The following REXO5 variants were observed in gnomAD, a reference collection of about 807,000 sequenced individuals.
REXO5 encodes RNA exonuclease 5.
A neutral mutation model predicts 88.5 loss-of-function variants in REXO5; 48 were observed. That is an observed-to-expected ratio of 0.54 (90% CI 0.43 to 0.69). REXO5 has a LOEUF of 0.69. Among genes scored for constraint, REXO5 ranks in the 30% least tolerant of loss-of-function variants. The pLI, the probability that REXO5 is intolerant of heterozygous loss-of-function variation, is 0.00. For missense variants in REXO5, 749 were observed against 912.2 expected, an observed-to-expected ratio of 0.82 and a Z score of 2.30; for synonymous variants, 311 against 336.5, an observed-to-expected ratio of 0.92 and a Z score of 0.83.
chr16:20,834,756 TTCACC>T (rs1485408698), intron 13 of REXO5, among the ~76,000 whole-genome samples: 1 of 152,200 alleles, frequency 6.6e-6, no homozygotes, highest in Non-Finnish European at 1.5e-5. Flanking sequence ...CCAGTGTACT[TTCACC>T]TCACACATTG....
chr16:20,820,535 T>TTTGC (rs1567389324), intron 5 of REXO5, among the ~76,000 whole-genome samples: 1 of 13,486 alleles, frequency 7.4e-5, no homozygotes. Flanking sequence ...TATATATATA[T>TTTGC]ATATATATAT....
Position 20,845,263 on chromosome 16 carries a change from G to C in REXO5, c.2124+22G>C, listed in dbSNP as rs769401314. ...GCAGGTGAGTGAGTGAAGGCGTCTT[G>C]GAGAAGATGTCAGGAGAGTCCTGCT... On this transcript the variant is annotated intron_variant, in intron 18 of 19. Transcript: ENST00000261377. 17 of 1,605,010 alleles carry C rather than the reference G, an allele frequency of 1.1e-5. No individual in the cohort carries two copies. In the South Asian group the frequency reaches 1.9e-4, roughly 18 times the overall value.
In REXO5 at chr16:20,840,342, G is replaced by A. The variant is rs772242434; in HGVS notation, c.1500G>A (p.Lys500=). 3.2e-6 allele frequency: 5 copies of A among 1,548,340 alleles called. No homozygotes were observed. Among genetic ancestry groups the A allele is most frequent in the South Asian group, 1.2e-5 (1 of 80,214 alleles). The change falls in exon 15 of 20, where the codon AAG becomes AAA. Residue 500 remains lysine (K), a synonymous_variant. Transcript: ENST00000261377. ...TEEMNKRMRI[K]WTEISTVYAG... is the part of the protein sequence containing the mutation. The stretch of plus-strand genomic sequence containing the variant: ...TGTTTTTCCTACAGATGAGGATCAA[G>A]TGGACAGAGATATCAACTGTCTATG...
intron 15 of REXO5, 78 bp downstream of exon 15, chr16:20,840,546 C>A: frequency 3.9e-6 from 5 of 1,272,738 alleles, no homozygotes; most frequent in Non-Finnish European, 5.3e-6. Context: ...ATGCAGATAG[C>A]AAATATTCGT....
chr16:20,807,541 C>G (rs993640828), intron 2 of REXO5, among the ~76,000 whole-genome samples: 7 of 148,750 alleles, frequency 4.7e-5, no homozygotes, highest in Middle Eastern at 3.2e-3. Flanking sequence ...CAAGACCACG[C>G]CATTACACTC....
At chr16:20,845,273 T>C in intron 18 of REXO5, 32 bp downstream of exon 18, 1 of 1,591,958 alleles carries the variant, frequency 6.3e-7, no homozygotes, top group Middle Eastern at 2.0e-4. Flanking sequence ...GGAGAAGATG[T>C]CAGGAGAGTC....
At chr16:20,814,802 G>C in intron 3 of REXO5, 125 bp from the exon 4 acceptor site, 1 of 887,314 alleles carries the variant, frequency 1.1e-6, no homozygotes, top group Non-Finnish European at 1.6e-6. Context: ...GACGGTGAAT[G>C]GTGATAAATT....
chr16:20,824,511 G>A lies in REXO5; in HGVS notation c.689G>A (p.Gly230Glu). ...ATAGCAGACAATAGTCCTCTCTTTG[G>A]ACTTGACTGTGAAATGGCACGTACT... is the stretch of plus-strand genomic sequence containing the variant. ...GSIADNSPLF[G>E]LDCEMCLTSK... The change falls in exon 7 of 20, where the codon GGA (glycine) becomes GAA (glutamate). Residue 230 changes from glycine (G) to glutamate (E), a missense_variant. Physicochemically the swap from Gly to Glu is moderately conservative, Grantham distance 98. Coordinates refer to ENST00000261377, the MANE Select transcript of REXO5 (RefSeq NM_030941.3). 6.2e-7 allele frequency: 1 copy of A among 1,608,460 alleles called. No homozygotes were observed. The highest frequency in any genetic ancestry group is 2.2e-5 in the East Asian group (1 of 44,784).
intron 13 of REXO5, among the ~76,000 whole-genome samples, chr16:20,835,926 G>T (rs1158777471): frequency 6.6e-6 from 1 of 152,108 alleles, no homozygotes; most frequent in East Asian, 1.9e-4. Flanking sequence ...TGTGGTCCCA[G>T]CTGCTCAGGA....
chr16:20,847,344 G>A (rs1312529693), intron 19 of REXO5, among the ~76,000 whole-genome samples: 10 of 150,822 alleles, frequency 6.6e-5, no homozygotes, highest in Admixed American at 4.6e-4. Context: ...GCTGAGGCAC[G>A]AGAATCACTT....
chr16:20,826,913 A>G, intron 8 of REXO5, 145 bp from the exon 9 acceptor site: 1 of 750,768 alleles, frequency 1.3e-6, no homozygotes, highest in Non-Finnish European at 2.0e-6. Context: ...GATTATGACT[A>G]ATTTTTAATT....
chr16:20,820,306 C>T (rs2081149658), intron 5 of REXO5, among the ~76,000 whole-genome samples: 1 of 151,800 alleles, frequency 6.6e-6, no homozygotes, highest in African/African-American at 2.4e-5. Flanking sequence ...TCCTCTTCTA[C>T]TTATGATACT....
At chr16:20,828,597 A>T (rs974104630) in intron 11 of REXO5, 60 bp downstream of exon 11, 1 of 1,133,396 alleles carries the variant, frequency 8.8e-7, no homozygotes, top group African/African-American at 1.5e-5. Context: ...AGATCAGATT[A>T]TCACAGACTA....
intron 15 of REXO5, among the ~76,000 whole-genome samples, chr16:20,841,123 G>A (rs1345030976): frequency 6.6e-6 from 1 of 152,098 alleles, no homozygotes; most frequent in African/African-American, 2.4e-5. Flanking sequence ...TTTTGGTATT[G>A]TAGGTTTGTA....
At chr16:20,810,336 A>G (rs951894238) in intron 2 of REXO5, among the ~76,000 whole-genome samples, 26 of 152,186 alleles carry the variant, frequency 1.7e-4, no homozygotes, top group Admixed American at 1.7e-3. Flanking sequence ...ACTTATGTGA[A>G]TTCACATCAG....
intron 19 of REXO5, among the ~76,000 whole-genome samples, chr16:20,847,436 CA>C (rs550642998): frequency 0.02 from 1,613 of 80,542 alleles, 7 homozygotes; most frequent in African/African-American, 0.03. Flanking sequence ...ACTCTTATCT[CA>C]AAAAAAAAAA....
chr16:20,843,777 A>G (rs1271430741), intron 15 of REXO5, among the ~76,000 whole-genome samples, 157 bp from the exon 16 acceptor site: 1 of 152,258 alleles, frequency 6.6e-6, no homozygotes, highest in Non-Finnish European at 1.5e-5. Context: ...GATCCCATTT[A>G]AAGTTGACAG....
At chr16:20,846,191 CTGAG>C (rs2081604143) in intron 18 of REXO5, 26 bp from the exon 19 acceptor site, 1 of 1,549,118 alleles carries the variant, frequency 6.5e-7, no homozygotes, top group Non-Finnish European at 8.9e-7. Context: ...AGTGTTCTGG[CTGAG>C]TATCGACACA....
Position 20,832,259 on chromosome 16 carries a change from G to A in REXO5, c.1262G>A (p.Ser421Asn), listed in dbSNP as rs780591941. ...GAAGTACTTCAGCACCCAAACACAA[G>A]GTAATATTTTCAGTTTGAAACAAGA... Reference protein sequence around the residue: ...TAEVLQHPNTSVLECLDSVGQ... With the variant: ...TAEVLQHPNTNVLECLDSVGQ... Residue 421 changes from serine to asparagine, a missense_variant and splice_region_variant, in exon 12 of 20, where the codon AGT becomes AAT. Transcript: ENST00000261377. 6.3e-7 allele frequency: 1 copy of A among 1,591,960 alleles called. No individual in the cohort carries two copies. The highest frequency in any genetic ancestry group is 1.3e-5 in the African/African-American group (1 of 74,092).
Sources: allele counts gnomAD v4.1 joint callset (sites outside exome capture counted in the v4.1 genomes callset), GRCh38; gene constraint gnomAD v4.1.1; transcripts MANE v1.5; gene names NCBI Gene and HGNC (gene_info 2026-07-23, HGNC 2026-07-21).